The following MTOR variants were observed in gnomAD, a reference collection of about 807,000 sequenced individuals.
MTOR encodes the protein serine/threonine-protein kinase mTOR.
A neutral mutation model predicts 319.8 loss-of-function variants in MTOR; 70 were observed. The ratio of observed to expected loss-of-function variants is 0.22; its 90% CI spans 0.18 to 0.27. The LOEUF (loss-of-function observed/expected upper bound fraction) is 0.27, where lower values mean the gene tolerates loss of function less well. MTOR is among the 10% of genes least tolerant of loss of function. The pLI, the probability that MTOR is intolerant of heterozygous loss-of-function variation, is 1.00. For synonymous variants in MTOR, 1,183 were observed against 1,211.4 expected, an observed-to-expected ratio of 0.98 and a Z score of 0.49; for missense variants, 1,890 against 3,274.4, an observed-to-expected ratio of 0.58 and a Z score of 10.32.
At chr1:11,208,202 T>C (rs550199232) in intron 25 of MTOR, among the ~76,000 whole-genome samples, 2 of 152,212 alleles carry the variant, frequency 1.3e-5, no homozygotes, top group Non-Finnish European at 2.9e-5. Context: ...TTTTTCTTCC[T>C]CCTAAAGTCT....
chr1:11,224,134 G>A (rs1646755149), intron 19 of MTOR, among the ~76,000 whole-genome samples: 1 of 151,900 alleles, frequency 6.6e-6, no homozygotes, highest in Non-Finnish European at 1.5e-5. Context: ...GGCCTAGAAT[G>A]CACTGGTTAA....
chr1:11,146,673 T>C lies in MTOR; in HGVS notation c.4686+3A>G, dbSNP rs1207110429. 6.2e-7 allele frequency: 1 copy of C among 1,612,886 alleles called. No homozygotes were observed. Among genetic ancestry groups the C allele is most frequent in the Non-Finnish European group, 8.5e-7 (1 of 1,178,872 alleles). On this transcript the variant is annotated splice_donor_region_variant and intron_variant, in intron 32 of 57. Transcript: ENST00000361445. The stretch of plus-strand genomic sequence containing the variant: ...AGAGATCTGGGTGCATGTAGGTTTT[T>C]ACCTGTTGTGCCAAGGAGAAGAGGT...
intron 8 of MTOR, among the ~76,000 whole-genome samples, chr1:11,245,580 G>A (rs1200763741): frequency 2.0e-5 from 3 of 152,056 alleles, no homozygotes; most frequent in East Asian, 1.9e-4. Flanking sequence ...ATAGCATTTC[G>A]GCAGGAAACG....
intron 5 of MTOR, among the ~76,000 whole-genome samples, chr1:11,255,565 TGGA>T (rs1429641612): frequency 1.3e-5 from 2 of 151,844 alleles, no homozygotes; most frequent in Non-Finnish European, 2.9e-5. Context: ...AAAAATTCAT[TGGA>T]GGCCAGGCGC....
At chr1:11,229,321 G>A (rs896725485) in intron 18 of MTOR, among the ~76,000 whole-genome samples, 6 of 152,176 alleles carry the variant, frequency 3.9e-5, no homozygotes, top group Non-Finnish European at 7.3e-5. Context: ...GTTCCCCTAG[G>A]GAATTCAGAC....
intron 36 of MTOR, among the ~76,000 whole-genome samples, chr1:11,136,033 G>A (rs1643400236): frequency 6.6e-6 from 1 of 152,106 alleles, no homozygotes; most frequent in African/African-American, 2.4e-5. Flanking sequence ...TACTCAGGAG[G>A]CTGAGGCAGG....
chr1:11,120,236 T>C (rs533966703), intron 49 of MTOR, among the ~76,000 whole-genome samples: 10 of 151,998 alleles, frequency 6.6e-5, no homozygotes, highest in South Asian at 4.2e-4. Context: ...GCTAATTTTT[T>C]TGTAGAAATG....
At chr1:11,227,572 T>C (rs1395564005) in intron 19 of MTOR, among the ~76,000 whole-genome samples, 1 of 152,092 alleles carries the variant, frequency 6.6e-6, no homozygotes, top group African/African-American at 2.4e-5. Flanking sequence ...ACTCTGAACT[T>C]TACTTAGATC....
chr1:11,169,794 C>G (rs746661039), intron 28 of MTOR, among the ~76,000 whole-genome samples: 15 of 152,200 alleles, frequency 9.9e-5, no homozygotes, highest in Non-Finnish European at 1.9e-4. Context: ...ATCACCTCCT[C>G]CTTCAGAGGG....
intron 19 of MTOR, among the ~76,000 whole-genome samples, chr1:11,218,124 G>GA (rs1283086766): frequency 6.6e-6 from 1 of 152,072 alleles, no homozygotes; most frequent in African/African-American, 2.4e-5. Flanking sequence ...TATGTATAGT[G>GA]GTCCCTATAC....
chr1:11,115,004 A>G lies in MTOR; in HGVS notation c.7090-117T>C. The stretch of plus-strand genomic sequence containing the variant: ...CACTGATTTTAATTATAGCAGGGAA[A>G]GGAAGCAGCTTGGGTTTAGTGAGAG... On this transcript the variant is annotated intron_variant, in intron 51 of 57. Transcript: ENST00000361445. The surrounding 1 kb of genome is among the most constrained non-coding windows in gnomAD (Gnocchi z 4.5). 1.2e-6 allele frequency: 1 copy of G among 833,578 alleles called. No individual in the cohort carries two copies. The highest frequency in any genetic ancestry group is 1.7e-5 in the African/African-American group (1 of 58,908). 51.6% of individuals were successfully genotyped at this position (833,578 alleles called of 1,614,324 possible).
At position 11,228,907 on chromosome 1, in the gene MTOR, T is replaced by C. The variant is rs887173431; in HGVS notation, c.2791A>G (p.Thr931Ala). The C allele has an allele frequency of 2.5e-6, 4 of 1,614,136 alleles. No homozygotes were observed. The highest frequency in any genetic ancestry group is 2.5e-6 in the Non-Finnish European group (3 of 1,180,000). Residue 931 changes from threonine to alanine, a missense_variant, in exon 19 of 58, where the codon ACT (threonine) becomes GCT (alanine). Around this residue, in one of 15 missense-constraint regions of MTOR, gnomAD observed 377 missense variants for 653.9 expected, o/e 0.58. Transcript: ENST00000361445. ...KSSQDSSDYS[T>A]SEMLVNMGNL... ...CCCATGTTGACCAGCATTTCACTAG[T>C]GCTATAGTCAGCTAGGACAAAACAA...
intron 19 of MTOR, among the ~76,000 whole-genome samples, chr1:11,222,463 C>G (rs924962557): frequency 6.6e-6 from 1 of 152,152 alleles, no homozygotes; most frequent in Non-Finnish European, 1.5e-5. Flanking sequence ...TCCCAAAGTG[C>G]TGGGATTACA....
In MTOR at chr1:11,230,951, G is replaced by A; in HGVS notation, c.2753C>T (p.Ser918Leu). 2 of 1,614,056 alleles carry A rather than the reference G, an allele frequency of 1.2e-6. No individual in the cohort carries two copies. Among genetic ancestry groups the A allele is most frequent in the South Asian group, 2.2e-5 (2 of 91,074 alleles). ...GGAATCCTGACTTGACTTGGATTCT[G>A]ACAGGCTGACAGCAGAGGCATCCCG... ...QSRDASAVSL[S>L]ESKSSQDSSD... Residue 918 changes from serine to leucine, a missense_variant, in exon 18 of 58, where the codon TCA becomes TTA. Ser to Leu is a moderately radical substitution (Grantham distance 145, BLOSUM62 -2). Transcript: ENST00000361445.
At chr1:11,222,200 A>T (rs868808340) in intron 19 of MTOR, among the ~76,000 whole-genome samples, 74 of 146,058 alleles carry the variant, frequency 5.1e-4, no homozygotes, top group Admixed American at 1.3e-3. Context: ...TTTAAAAAAA[A>T]TTTTTTTTTT....
intron 46 of MTOR, 152 bp from the exon 47 acceptor site, chr1:11,124,785 T>C (rs764899878): frequency 7.5e-5 from 69 of 915,380 alleles, no homozygotes; most frequent in Admixed American, 1.5e-4. Context: ...TTAGAATTAA[T>C]GAAAAGAGTG....
intron 28 of MTOR, among the ~76,000 whole-genome samples, chr1:11,182,512 A>T (rs1394868401): frequency 2.0e-5 from 3 of 152,254 alleles, no homozygotes; most frequent in African/African-American, 7.2e-5. Context: ...AAGTATACAT[A>T]AATATAGGAG....
chr1:11,243,071 A>G (rs757189456), intron 9 of MTOR, 43 bp downstream of exon 9: 1 of 1,607,522 alleles, frequency 6.2e-7, no homozygotes, highest in South Asian at 1.1e-5. Context: ...CTTCCTCTCC[A>G]ACCAAATGGA....
At chr1:11,116,082 C>CA (rs1240238921) in intron 50 of MTOR, among the ~76,000 whole-genome samples, 1 of 152,212 alleles carries the variant, frequency 6.6e-6, no homozygotes, top group African/African-American at 2.4e-5. Context: ...GACATGATTC[C>CA]AGGAGAAAAA....
Sources: gnomAD v4.1 joint callset for allele counts (sites outside exome capture counted in the v4.1 genomes callset) on GRCh38, gnomAD v4.1.1 for gene constraint, gnomAD v4.1.1 regional missense constraint, Gnocchi (gnomAD v3.1) non-coding constraint, MANE v1.5 for transcripts, NCBI Gene and HGNC (gene_info 2026-07-23, HGNC 2026-07-21) for gene names.